Variants in EPB41 observed in about 807,000 individuals in gnomAD.
EPB41 encodes protein 4.1.
In EPB41, 65 loss-of-function variants were observed where a neutral mutation model predicts 108.0. The observed-to-expected ratio is 0.60, with a 90% CI of 0.49 to 0.74. EPB41 has a LOEUF of 0.74. EPB41 is among the 30% of genes least tolerant of loss of function. The probability of loss-of-function intolerance (pLI) is 0.00; values close to 1 mark genes in which losing one functional copy is unlikely to be tolerated. For synonymous variants in EPB41, 336 were observed against 358.9 expected (o/e 0.94, Z 0.72); for missense variants, 875 against 1,037.0 (o/e 0.84, Z 2.15).
chr1:28,889,860 G>A (rs1157072037), intron 1 of EPB41: 1 of 984,918 alleles, frequency 1.0e-6, no homozygotes, highest in Non-Finnish European at 1.2e-6. Context: ...GCCAGCCACA[G>A]ACCTGAACAG....
intron 1 of EPB41, among the ~76,000 whole-genome samples, chr1:28,938,793 A>G (rs1393694099): frequency 6.6e-6 from 1 of 152,186 alleles, no homozygotes; most frequent in Admixed American, 6.5e-5. Context: ...GGCATGAGCC[A>G]CCATAACTGT....
At chr1:28,960,583 CTTAAAAAAAAAAT>C (rs1488059580) in intron 1 of EPB41, among the ~76,000 whole-genome samples, 1 of 133,282 alleles carries the variant, frequency 7.5e-6, no homozygotes, top group Admixed American at 7.6e-5. Flanking sequence ...AAAAAAAAAA[CTTAAAAAAAAAAT>C]CAGCTTAGTG....
intron 4 of EPB41, among the ~76,000 whole-genome samples, chr1:29,001,522 TCAGAAATGGTAC>T (rs2096293217): frequency 6.6e-6 from 1 of 152,208 alleles, no homozygotes. Context: ...GTGCTACTCC[TCAGAAATGGTAC>T]ATGGGATGTA....
intron 16 of EPB41, among the ~76,000 whole-genome samples, chr1:29,082,370 C>T (rs1030384264): frequency 1.3e-5 from 2 of 152,184 alleles, no homozygotes; most frequent in Admixed American, 6.5e-5. Context: ...GTGATCTGCC[C>T]ACCTCAGCCT....
chr1:29,084,715 C>A (rs1186135736), intron 16 of EPB41, among the ~76,000 whole-genome samples: 1 of 152,164 alleles, frequency 6.6e-6, no homozygotes, highest in Non-Finnish European at 1.5e-5. Flanking sequence ...TCTTTCTTAA[C>A]AGACAGTATG....
At chr1:28,937,833 A>C (rs1253154252) in intron 1 of EPB41, among the ~76,000 whole-genome samples, 1 of 152,220 alleles carries the variant, frequency 6.6e-6, no homozygotes, top group African/African-American at 2.4e-5. Context: ...GTTAGCTCTT[A>C]CATTCATATC....
intron 1 of EPB41, among the ~76,000 whole-genome samples, chr1:28,935,831 A>G (rs1320557855): frequency 1.3e-5 from 2 of 151,856 alleles, no homozygotes; most frequent in East Asian, 3.9e-4. Context: ...AGGCAGGAGA[A>G]TCGCTTGAAC....
chr1:28,901,129 C>T (rs1357213206), intron 1 of EPB41, among the ~76,000 whole-genome samples: 1 of 152,000 alleles, frequency 6.6e-6, no homozygotes, highest in Non-Finnish European at 1.5e-5. Flanking sequence ...TGGGGTTTCA[C>T]TGTGTTAGCC....
chr1:28,937,606 G>GT (rs2094096718), intron 1 of EPB41, among the ~76,000 whole-genome samples: 1 of 152,152 alleles, frequency 6.6e-6, no homozygotes, highest in Non-Finnish European at 1.5e-5. Flanking sequence ...TGTTGGCCAG[G>GT]CTGGTCTTTA....
chr1:29,062,329 A>G (rs1646705785), intron 15 of EPB41, among the ~76,000 whole-genome samples: 1 of 152,038 alleles, frequency 6.6e-6, no homozygotes, highest in Admixed American at 6.6e-5. Context: ...CCAATCATAT[A>G]TTTGTCATTT....
Position 29,047,416 on chromosome 1 carries a change from A to AT in EPB41, c.1637-5670dup, listed in dbSNP as rs34287796. Among the ~76,000 whole-genome samples the AT allele has an allele frequency of 2.0e-3, 269 of 133,858 alleles. 1 individual carries two copies. The highest frequency in any genetic ancestry group is 4.2e-3 in the South Asian group (17 of 4,066). The allele number at this position is 133,858 out of a possible 152,430, so 87.8% of individuals were successfully genotyped here. ...AAGTTCACGCTACCGCGCCTGGCTA[A>AT]TTTTTTTTTTTTTTTTTTGTAGAGA... On this transcript the variant is annotated intron_variant, in intron 11 of 20. Transcript: ENST00000343067.
intron 16 of EPB41, among the ~76,000 whole-genome samples, chr1:29,078,840 A>G (rs954084480): frequency 8.5e-5 from 13 of 152,170 alleles, no homozygotes; most frequent in African/African-American, 2.4e-5. Context: ...GTGGTCTTAT[A>G]TTCAGTGATG....
intron 1 of EPB41, among the ~76,000 whole-genome samples, chr1:28,928,639 A>G (rs902420121): frequency 6.6e-6 from 1 of 152,186 alleles, no homozygotes; most frequent in African/African-American, 2.4e-5. Flanking sequence ...AGAAAACTAC[A>G]GTTTAGTTTG....
At chr1:28,996,424 C>CAA (rs2096177871) in intron 3 of EPB41, among the ~76,000 whole-genome samples, 2 of 152,154 alleles carry the variant, frequency 1.3e-5, no homozygotes, top group African/African-American at 4.8e-5. Flanking sequence ...TTGAGGCATA[C>CAA]CTCATTTTCT....
chr1:29,068,462 G>T (rs1649546164), intron 16 of EPB41, among the ~76,000 whole-genome samples: 1 of 152,114 alleles, frequency 6.6e-6, no homozygotes, highest in Non-Finnish European at 1.5e-5. Flanking sequence ...GTACTTTAAA[G>T]AAATAACTTT....
chr1:29,069,357 C>G (rs922467336), intron 16 of EPB41: 1 of 1,230,620 alleles, frequency 8.1e-7, no homozygotes, highest in Non-Finnish European at 1.0e-6. Flanking sequence ...AAAAACTTCT[C>G]AATTGGACAA....
At chr1:29,108,178 C>T (rs1257027122) in intron 17 of EPB41, among the ~76,000 whole-genome samples, 6 of 126,096 alleles carry the variant, frequency 4.8e-5, no homozygotes, top group Admixed American at 1.8e-4. Context: ...GACAGAATTT[C>T]GCTCTTGTTG....
At chr1:29,091,002 AG>A (rs973736823) in intron 16 of EPB41, among the ~76,000 whole-genome samples, 14 of 152,332 alleles carry the variant, frequency 9.2e-5, no homozygotes, top group African/African-American at 3.4e-4. Context: ...AGTACATGTT[AG>A]GTGCTCAGTA....
intron 16 of EPB41, chr1:29,097,549 CTG>C (rs770274805): frequency 9.9e-6 from 5 of 506,478 alleles, no homozygotes; most frequent in African/African-American, 1.9e-5. Context: ...CCAATCATAA[CTG>C]TCTGCTCTTA....
Sources: gnomAD v4.1 joint callset for allele counts (sites outside exome capture counted in the v4.1 genomes callset) on GRCh38, gnomAD v4.1.1 for gene constraint, MANE v1.5 for transcripts, NCBI Gene and HGNC (gene_info 2026-07-23, HGNC 2026-07-21) for gene names.